KATNAL1: variants seen among roughly 807,000 people sequenced by gnomAD.
The protein encoded by KATNAL1 is katanin catalytic subunit A1 like 1, also known as katanin p60 ATPase-containing subunit A-like 1.
A neutral mutation model predicts 55.2 loss-of-function variants in KATNAL1; 32 were observed. The ratio of observed to expected loss-of-function variants is 0.58; its 90% confidence interval spans 0.44 to 0.78. The LOEUF is 0.78. KATNAL1 is among the 30% of genes least tolerant of loss of function. KATNAL1 has a pLI of 0.00. For synonymous variants in KATNAL1, 193 were observed against 193.6 expected, an observed-to-expected ratio of 1.00 and a Z score of 0.02; for missense variants, 466 against 600.9, an observed-to-expected ratio of 0.78 and a Z score of 2.35.
chr13:30,271,523 T>C (rs1880356561), intron 3 of KATNAL1, among the ~76,000 whole-genome samples: 1 of 151,838 alleles, frequency 6.6e-6, no homozygotes, highest in Admixed American at 6.6e-5. Context: ...GGGCGGAAGG[T>C]CAGGGAGGTG....
chr13:30,295,492 AG>A (rs1167441328), intron 1 of KATNAL1, among the ~76,000 whole-genome samples: 3 of 152,200 alleles, frequency 2.0e-5, no homozygotes, highest in African/African-American at 7.2e-5. Flanking sequence ...GGTAGGGCAC[AG>A]TGGCTCACAC....
rs1872814943 is a variant in KATNAL1 at position 30,202,922 on chromosome 13, T to C, written c.*5618A>G. The C allele has an allele frequency of 6.6e-6, 1 of 152,206 alleles. No homozygotes were observed. Among genetic ancestry groups the C allele is most frequent in the Admixed American group, 6.5e-5 (1 of 15,276 alleles). 9.4% of individuals were successfully genotyped at this position (152,206 alleles called of 1,614,324 possible). On this transcript the variant is annotated 3_prime_UTR_variant, in exon 11 of 11. Coordinates refer to ENST00000380615, the MANE Select transcript of KATNAL1 (RefSeq NM_032116.5). ...GCCACTCCCTGCTGCCGTACCATCATATGAATATACATTTGTCAGTAAAAA... is the reference window on the plus strand; with the variant it reads ...GCCACTCCCTGCTGCCGTACCATCACATGAATATACATTTGTCAGTAAAAA...
At chr13:30,259,617 C>T (rs1283963213) in intron 3 of KATNAL1, among the ~76,000 whole-genome samples, 1 of 152,168 alleles carries the variant, frequency 6.6e-6, no homozygotes, top group East Asian at 1.9e-4. Flanking sequence ...TGACAGACGG[C>T]ACCTGGAAAA....
At chr13:30,241,134 A>G (rs1337220421) in intron 4 of KATNAL1, 48 bp from the exon 5 acceptor site, 1 of 1,491,598 alleles carries the variant, frequency 6.7e-7, no homozygotes, top group African/African-American at 1.4e-5. Flanking sequence ...TGGATAATTT[A>G]GTTAACATCA....
chr13:30,306,459 G>C (rs1264427433), intron 1 of KATNAL1, among the ~76,000 whole-genome samples: 1 of 152,018 alleles, frequency 6.6e-6, no homozygotes, highest in African/African-American at 2.4e-5. Flanking sequence ...GGCAAGGGGG[G>C]GGTGGGGTGG....
At chr13:30,216,932 A>C (rs1250496834) in intron 9 of KATNAL1, among the ~76,000 whole-genome samples, 1 of 152,216 alleles carries the variant, frequency 6.6e-6, no homozygotes, top group Non-Finnish European at 1.5e-5. Flanking sequence ...CTTAACACAA[A>C]GTTTAATATA....
At chr13:30,297,983 C>CA (rs1213359588) in intron 1 of KATNAL1, among the ~76,000 whole-genome samples, 1 of 152,142 alleles carries the variant, frequency 6.6e-6, no homozygotes, top group African/African-American at 2.4e-5. Flanking sequence ...ACCCATGTAA[C>CA]AAACGTGCAG....
chr13:30,291,928 G>C lies in KATNAL1; in HGVS notation c.-14-8137C>G, dbSNP rs370516989. 1.2e-4 allele frequency among the ~76,000 whole-genome samples: 18 copies of C among 152,170 alleles called. 1 individual carries two copies. The East Asian group carries it at 2.5e-3, about 21-fold the overall frequency. ...GGCATGCCTGTAATCCCAGCTACTCGGGAGGCTGAGGCAGGAGAACTGCTT... is the reference window on the plus strand; with the variant it reads ...GGCATGCCTGTAATCCCAGCTACTCCGGAGGCTGAGGCAGGAGAACTGCTT... On this transcript the variant is annotated intron_variant, in intron 1 of 10. Coordinates refer to ENST00000380615, the MANE Select transcript of KATNAL1 (RefSeq NM_032116.5).
At chr13:30,228,570 C>T (rs529804765) in intron 8 of KATNAL1, among the ~76,000 whole-genome samples, 1 of 152,322 alleles carries the variant, frequency 6.6e-6, no homozygotes, top group African/African-American at 2.4e-5. Flanking sequence ...ATGTTTTCTC[C>T]TATACCCCAC....
intron 1 of KATNAL1, among the ~76,000 whole-genome samples, chr13:30,292,256 G>C (rs1361435529): frequency 6.6e-6 from 1 of 152,104 alleles, no homozygotes; most frequent in Non-Finnish European, 1.5e-5. Context: ...AACAAAAACT[G>C]AATCTCAACC....
At chr13:30,274,434 T>TA (rs55974120) in intron 3 of KATNAL1, among the ~76,000 whole-genome samples, 24,842 of 151,566 alleles carry the variant, frequency 0.16, 2,209 homozygotes, top group Admixed American at 0.26. Context: ...AATTTGATCT[T>TA]AAAAAAAAAT....
chr13:30,263,204 T>A (rs1202732643), intron 3 of KATNAL1, among the ~76,000 whole-genome samples: 2 of 152,168 alleles, frequency 1.3e-5, no homozygotes, highest in Non-Finnish European at 2.9e-5. Context: ...AAATTAGGTA[T>A]TGATGGGACG....
At position 30,207,994 on chromosome 13, in the gene KATNAL1, CG is replaced by C. The variant is rs1873308737; in HGVS notation, c.*545del. The C allele has an allele frequency of 1.3e-5, 2 of 152,030 alleles. No homozygotes were observed. Among genetic ancestry groups the C allele is most frequent in the Non-Finnish European group, 2.9e-5 (2 of 68,000 alleles). 9.4% of individuals were successfully genotyped at this position (152,030 alleles called of 1,614,324 possible). On this transcript the variant is annotated 3_prime_UTR_variant, in exon 11 of 11. Coordinates refer to ENST00000380615, the MANE Select transcript of KATNAL1 (RefSeq NM_032116.5). ...CTAGCAGAAGAAATGGCAGGGGTAG[CG>C]GAAGTAAAAATTCTAACCATATGAC...
At chr13:30,245,306 G>A (rs956907303) in intron 4 of KATNAL1, among the ~76,000 whole-genome samples, 5 of 152,108 alleles carry the variant, frequency 3.3e-5, no homozygotes, top group South Asian at 2.1e-4. Flanking sequence ...CAAAAACCAC[G>A]TGATAATCTC....
At chr13:30,257,970 T>C (rs754683333) in intron 3 of KATNAL1, among the ~76,000 whole-genome samples, 11 of 152,214 alleles carry the variant, frequency 7.2e-5, no homozygotes, top group Admixed American at 2.0e-4. Context: ...CACTGCACAA[T>C]GTCATGCTTC....
intron 4 of KATNAL1, among the ~76,000 whole-genome samples, chr13:30,254,632 T>A (rs1424335643): frequency 6.6e-6 from 1 of 152,176 alleles, no homozygotes; most frequent in Non-Finnish European, 1.5e-5. Context: ...TTATTAGATA[T>A]ATCTTTATTA....
chr13:30,285,735 G>A (rs1176041747), intron 1 of KATNAL1, among the ~76,000 whole-genome samples: 2 of 152,226 alleles, frequency 1.3e-5, no homozygotes, highest in African/African-American at 2.4e-5. Flanking sequence ...GGGCTCAGAA[G>A]AACACAGAAA....
intron 3 of KATNAL1, among the ~76,000 whole-genome samples, chr13:30,267,018 C>G (rs1162816821): frequency 1.3e-5 from 2 of 152,118 alleles, no homozygotes; most frequent in African/African-American, 4.8e-5. Flanking sequence ...GTTGCTAAGC[C>G]ATTCATTCAA....
intron 5 of KATNAL1, 69 bp downstream of exon 5, chr13:30,240,888 ACT>A (rs1555262016): frequency 7.2e-7 from 1 of 1,381,850 alleles, no homozygotes; most frequent in Non-Finnish European, 1.0e-6. Flanking sequence ...ACAAGAGAAA[ACT>A]CACACACCAA....
Sources: allele counts gnomAD v4.1 joint callset (sites outside exome capture counted in the v4.1 genomes callset), GRCh38; gene constraint gnomAD v4.1.1; transcripts MANE v1.5; gene names NCBI Gene and HGNC (gene_info 2026-07-23, HGNC 2026-07-21).